KIF5B: variants seen among roughly 807,000 people sequenced by gnomAD.
The protein encoded by KIF5B is kinesin family member 5B, also known as kinesin-1 heavy chain.
Under a neutral mutation model 132.8 loss-of-function variants are expected in KIF5B, and 49 were observed. That is an observed-to-expected ratio of 0.37 (90% confidence interval 0.29 to 0.47). The LOEUF (loss-of-function observed/expected upper bound fraction) is 0.47, where lower values mean the gene tolerates loss of function less well. KIF5B is among the 20% of genes least tolerant of loss of function. KIF5B has a pLI of 1.00. For synonymous variants in KIF5B, 355 were observed against 369.4 expected (o/e 0.96, Z 0.45); for missense variants, 780 against 1,144.0 (o/e 0.68, Z 4.59).
chr10:32,048,250 C>A (rs1464191777), intron 2 of KIF5B, among the ~76,000 whole-genome samples: 1 of 152,092 alleles, frequency 6.6e-6, no homozygotes, highest in African/African-American at 2.4e-5. Flanking sequence ...TCATAATAAC[C>A]TTAATTAGGT....
At chr10:32,037,213 A>G in intron 8 of KIF5B, 41 bp downstream of exon 8, 1 of 1,586,956 alleles carries the variant, frequency 6.3e-7, no homozygotes, top group Non-Finnish European at 8.6e-7. Context: ...TAAAGTTTAC[A>G]AAGATGCTTA....
intron 2 of KIF5B, among the ~76,000 whole-genome samples, chr10:32,047,140 GT>G (rs1225242832): frequency 1.3e-5 from 2 of 151,940 alleles, no homozygotes; most frequent in African/African-American, 4.8e-5. Flanking sequence ...TTGCACCATC[GT>G]AAAGTCGAAC....
chr10:32,022,121 A>T lies in KIF5B; in HGVS notation c.2032+19T>A. The T allele has an allele frequency of 8.2e-7, 1 of 1,226,698 alleles. No homozygotes were observed. The highest frequency in any genetic ancestry group is 1.2e-6 in the Non-Finnish European group (1 of 847,304). 76.0% of individuals were successfully genotyped at this position (1,226,698 alleles called of 1,614,324 possible). A position where few individuals can be genotyped will look rare whatever the true frequency, so the allele number is the denominator to read the frequency against. ...AAATAAGAACACAGATGTAACTCAT[A>T]AACAGTTGGAAGCTATACCTTGTGC... is the stretch of plus-strand genomic sequence containing the variant. On this transcript the variant is annotated intron_variant, in intron 17 of 25. Coordinates refer to ENST00000302418, the MANE Select transcript of KIF5B (RefSeq NM_004521.3).
At chr10:32,039,012 T>C (rs1048286775) in intron 4 of KIF5B, among the ~76,000 whole-genome samples, 186 bp from the exon 5 acceptor site, 1 of 152,200 alleles carries the variant, frequency 6.6e-6, no homozygotes, top group Non-Finnish European at 1.5e-5. Context: ...AGTCTTCCCA[T>C]TGGACATAAA....
In KIF5B at chr10:32,035,541, T is replaced by C. The variant is rs1841451334; in HGVS notation, c.943A>G (p.Thr315Ala). The part of the protein sequence containing the change: ...SSYNESETKS[T>A]LLFGQRAKTI... ...ACAAACCTTTGGCCAAATAAGAGTG[T>C]AGATTTTGTTTCAGACTCATTGTAT... Residue 315 changes from threonine (T) to alanine (A), a missense_variant, in exon 10 of 26, where the codon ACA (threonine) becomes GCA (alanine). Physicochemically the swap from Thr to Ala is moderately conservative, Grantham distance 58. This residue lies in a region of KIF5B where 15 missense variants were observed against 34.4 expected (regional missense o/e 0.44). Transcript: ENST00000302418. 6.2e-7 allele frequency: 1 copy of C among 1,612,482 alleles called. No homozygotes were observed. Among genetic ancestry groups the C allele is most frequent in the Non-Finnish European group, 8.5e-7 (1 of 1,179,378 alleles).
chr10:32,035,323 T>A (rs1841449324), intron 10 of KIF5B, among the ~76,000 whole-genome samples, 199 bp downstream of exon 10: 1 of 152,196 alleles, frequency 6.6e-6, no homozygotes, highest in Admixed American at 6.5e-5. Context: ...TAAAATTACA[T>A]CTGACTTTAA....
intron 1 of KIF5B, among the ~76,000 whole-genome samples, chr10:32,053,454 G>C (rs927589092): frequency 1.3e-5 from 2 of 151,060 alleles, no homozygotes; most frequent in African/African-American, 4.9e-5. Context: ...GCCAGGCGTG[G>C]TGGCTCATGC....
At chr10:32,023,843 A>T (rs1205154313) in intron 15 of KIF5B, among the ~76,000 whole-genome samples, 2 of 152,162 alleles carry the variant, frequency 1.3e-5, no homozygotes. Context: ...CCCCTTTCAG[A>T]AAAATTAACT....
intron 16 of KIF5B, 126 bp downstream of exon 16, chr10:32,022,722 G>A: frequency 1.6e-6 from 1 of 617,248 alleles, no homozygotes; most frequent in East Asian, 2.8e-5. Context: ...ATTTACTGCA[G>A]CTAGACTAGG....
rs1427099660 is a variant in KIF5B, at chr10:32,037,589, C to T, written c.517G>A (p.Val173Ile). ...PYVKGCTERF[V>I]CSPDEVMDTI... ...TCCATAACTTCATCTGGACTACATA[C>T]AAAACGCTCTGTGCACCCCTGTGAA... The change falls in exon 7 of 26, where the codon GTA (valine) becomes ATA (isoleucine). Residue 173 changes from valine to isoleucine, a missense_variant. This residue lies in a region of KIF5B where 76 missense variants were observed against 146.4 expected (regional missense o/e 0.52). Transcript: ENST00000302418. 6 of 1,611,918 alleles carry T rather than the reference C, an allele frequency of 3.7e-6. No homozygotes were observed. The highest frequency in any genetic ancestry group is 5.1e-6 in the Non-Finnish European group (6 of 1,178,090).
intron 15 of KIF5B, among the ~76,000 whole-genome samples, chr10:32,023,492 T>C (rs1489544982): frequency 6.6e-6 from 1 of 152,208 alleles, no homozygotes; most frequent in African/African-American, 2.4e-5. Flanking sequence ...TCACTGTATA[T>C]TCCTTCACCT....
Position 32,010,658 on chromosome 10 carries a change from AC to A in KIF5B, c.*878del, listed in dbSNP as rs1841065098. On this transcript the variant is annotated 3_prime_UTR_variant, in exon 26 of 26. Coordinates refer to ENST00000302418, the MANE Select transcript of KIF5B (RefSeq NM_004521.3). ...CTAATATTAAAGATGACAAATTATT[AC>A]CTGTCCAATACTTATATTAGCTAGC... 1.3e-5 allele frequency: 2 copies of A among 152,202 alleles called. No individual in the cohort carries two copies. 9.4% of individuals were successfully genotyped at this position (152,202 alleles called of 1,614,324 possible).
chr10:32,029,118 A>G (rs988171405), intron 14 of KIF5B, among the ~76,000 whole-genome samples: 2 of 152,182 alleles, frequency 1.3e-5, no homozygotes, highest in Admixed American at 1.3e-4. Flanking sequence ...ATCTCAAATC[A>G]TAGCTGGCTT....
In KIF5B at chr10:32,015,669, AAAAT is replaced by A. The variant is rs757854232; in HGVS notation, c.2762-14_2762-11del. ...GGACGAATAGGTTTAGCTAATATGA[AAAAT>A]AAAGACAGACTTTAGAATAAAGTTT... is the stretch of plus-strand genomic sequence containing the variant. On this transcript the variant is annotated splice_polypyrimidine_tract_variant and intron_variant, in intron 24 of 25. Coordinates refer to ENST00000302418, the MANE Select transcript of KIF5B (RefSeq NM_004521.3). 2.5e-6 allele frequency: 4 copies of A among 1,601,406 alleles called. No homozygotes were observed. Among genetic ancestry groups the A allele is most frequent in the Non-Finnish European group, 3.4e-6 (4 of 1,173,938 alleles).
At chr10:32,028,674 C>T in intron 14 of KIF5B, 103 bp from the exon 15 acceptor site, 1 of 929,634 alleles carries the variant, frequency 1.1e-6, no homozygotes, top group Non-Finnish European at 1.6e-6. Flanking sequence ...CTTACGAAAC[C>T]ATGTCTTTTC....
At chr10:32,024,690 A>G (rs1385230947) in intron 15 of KIF5B, among the ~76,000 whole-genome samples, 1 of 151,874 alleles carries the variant, frequency 6.6e-6, no homozygotes, top group Non-Finnish European at 1.5e-5. Flanking sequence ...GCTTGAACCC[A>G]GGAAGAGGAG....
At chr10:32,012,947 G>A (rs1841104474) in intron 25 of KIF5B, among the ~76,000 whole-genome samples, 2 of 150,384 alleles carry the variant, frequency 1.3e-5, no homozygotes, top group Non-Finnish European at 3.0e-5. Flanking sequence ...TGTTGCCCAG[G>A]CTGGAGTGCA....
intron 13 of KIF5B, among the ~76,000 whole-genome samples, chr10:32,032,104 T>C (rs1417945176): frequency 6.6e-6 from 1 of 151,904 alleles, no homozygotes; most frequent in South Asian, 2.1e-4. Context: ...GTGGCTCTCC[T>C]GTAGGGATAT....
At position 32,033,167 on chromosome 10, in the gene KIF5B, C is replaced by A. The variant is rs1592446990; in HGVS notation, c.1306-393G>T. On this transcript the variant is annotated intron_variant, in intron 12 of 25. Coordinates refer to ENST00000302418, the MANE Select transcript of KIF5B (RefSeq NM_004521.3). ...ATATTATTTCCACTCTATTGTGTTT[C>A]CCTTAATCTCTCACATCATCTTTTA... 1.4e-4 allele frequency among the ~76,000 whole-genome samples: 21 copies of A among 152,226 alleles called. No homozygotes were observed. In the South Asian group the frequency reaches 4.4e-3, roughly 32 times the overall value.
Sources: gnomAD v4.1 joint callset for allele counts (sites outside exome capture counted in the v4.1 genomes callset) on GRCh38, gnomAD v4.1.1 for gene constraint, gnomAD v4.1.1 regional missense constraint, MANE v1.5 for transcripts, NCBI Gene and HGNC (gene_info 2026-07-23, HGNC 2026-07-21) for gene names.